Variants in GAS6 observed in about 807,000 individuals in gnomAD.
GAS6 encodes the protein growth arrest specific 6.
GAS6 carries 41 observed loss-of-function variants against 75.8 expected under a neutral mutation model. The ratio of observed to expected loss-of-function variants is 0.54; its 90% CI spans 0.42 to 0.70. The LOEUF is 0.70. Ranked by LOEUF, GAS6 falls within the 30% of genes least tolerant of loss-of-function variation. GAS6 has a pLI of 0.00. For synonymous variants in GAS6, 432 were observed against 412.6 expected (o/e 1.05, Z -0.57); for missense variants, 854 against 940.2 (o/e 0.91, Z 1.20).
intron 14 of GAS6, 152 bp from the exon 15 acceptor site, chr13:113,821,170 G>A (rs1318274409): frequency 1.0e-5 from 8 of 794,848 alleles, no homozygotes; most frequent in South Asian, 7.0e-5. Flanking sequence ...GTCCCCGTTC[G>A]TTTGGCCGCA....
chr13:113,834,853 C>T (rs774956592), intron 7 of GAS6, 181 bp from the exon 8 acceptor site: 3 of 515,840 alleles, frequency 5.8e-6, no homozygotes, highest in East Asian at 3.4e-5. Context: ...GCACCCTCGG[C>T]CTGCTCCTGC....
chr13:113,825,852 C>T (rs773189968), intron 12 of GAS6, among the ~76,000 whole-genome samples: 26 of 152,266 alleles, frequency 1.7e-4, no homozygotes, highest in South Asian at 4.1e-4. Flanking sequence ...TGGCTCAGGA[C>T]GGGGCAGGAC....
chr13:113,857,046 G>C (rs1440260751), intron 2 of GAS6, among the ~76,000 whole-genome samples: 1 of 152,180 alleles, frequency 6.6e-6, no homozygotes, highest in Non-Finnish European at 1.5e-5. Flanking sequence ...TGTTTTCCAT[G>C]GAGCCCCAAG....
chr13:113,836,741 GGGGGAGGAA>G (rs1566363857), intron 6 of GAS6, among the ~76,000 whole-genome samples: 5 of 32,802 alleles, frequency 1.5e-4, no homozygotes, highest in African/African-American at 3.1e-4. Context: ...AGGAGGAGGA[GGGGGAGGAA>G]GAAGATGGGG....
At chr13:113,821,686 A>G (rs1357372455) in intron 14 of GAS6, 3 of 485,256 alleles carry the variant, frequency 6.2e-6, no homozygotes, top group Non-Finnish European at 1.1e-5. Context: ...GGTGTGGACG[A>G]ATGCTCCCTG....
chr13:113,828,182 T>G (rs897081780), intron 11 of GAS6, among the ~76,000 whole-genome samples: 12 of 152,186 alleles, frequency 7.9e-5, no homozygotes, highest in East Asian at 1.9e-4. Flanking sequence ...GAGAATGGCG[T>G]GAACCCGGGA....
chr13:113,826,906 G>A (rs1005288841), intron 12 of GAS6, 90 bp downstream of exon 12: 11 of 675,438 alleles, frequency 1.6e-5, no homozygotes, highest in Admixed American at 1.1e-4. Context: ...TTGTCCTGAC[G>A]CTGCCATCTG....
At chr13:113,824,553 A>G (rs1026863916) in intron 12 of GAS6, among the ~76,000 whole-genome samples, 2 of 152,200 alleles carry the variant, frequency 1.3e-5, no homozygotes, top group South Asian at 2.1e-4. Flanking sequence ...CAGTGTTTCT[A>G]TCTCACCCAG....
At chr13:113,853,662 G>A (rs1156445549) in intron 2 of GAS6, among the ~76,000 whole-genome samples, 1 of 152,192 alleles carries the variant, frequency 6.6e-6, no homozygotes, top group African/African-American at 2.4e-5. Context: ...TATTTTCCAT[G>A]GGAAATGGTC....
At chr13:113,851,086 GATGAGTGGGTGGATGAAAGAATGA>G (rs530526759) in intron 2 of GAS6, among the ~76,000 whole-genome samples, 337 of 151,948 alleles carry the variant, frequency 2.2e-3, no homozygotes, top group African/African-American at 7.5e-3. Context: ...TGAGTGGATG[GATGAGTGGGTGGATGAAAGAATGA>G]ATGAGTGGGT....
At chr13:113,853,296 G>T (rs55869190) in intron 2 of GAS6, among the ~76,000 whole-genome samples, 3 of 152,134 alleles carry the variant, frequency 2.0e-5, no homozygotes. Flanking sequence ...GTCCCAGCAA[G>T]GTCTCTGCCT....
At chr13:113,824,719 C>T (rs1218729466) in intron 12 of GAS6, among the ~76,000 whole-genome samples, 3 of 151,980 alleles carry the variant, frequency 2.0e-5, no homozygotes, top group Admixed American at 6.6e-5. Flanking sequence ...GGGCTGTGTA[C>T]GCCTGAAACC....
intron 12 of GAS6, among the ~76,000 whole-genome samples, chr13:113,826,339 T>C (rs1178160475): frequency 6.6e-6 from 1 of 152,202 alleles, no homozygotes; most frequent in Admixed American, 6.5e-5. Context: ...GGCTGTGCTG[T>C]CTCCGGACTT....
In GAS6 at chr13:113,826,422, CTGGCCTCG is replaced by C. The variant is rs1282370672; in HGVS notation, c.1477+566_1477+573del. Among the ~76,000 whole-genome samples, 15 of 132,886 alleles carry C rather than the reference CTGGCCTCG, an allele frequency of 1.1e-4. 2 individuals carry two copies. The highest frequency in any genetic ancestry group is 3.7e-4 in the African/African-American group (13 of 34,996). 87.2% of individuals were successfully genotyped at this position (132,886 alleles called of 152,430 possible). A position where few individuals can be genotyped will look rare whatever the true frequency, so the allele number is the denominator to read the frequency against. ...ACCTTCTCTCCCCGGCCTCCCGGCG[CTGGCCTCG>C]CAGGCACCTTCTCTCCCCAGCCTCC... On this transcript the variant is annotated intron_variant, in intron 12 of 14. Transcript: ENST00000327773.
chr13:113,834,602 G>C lies in GAS6; in HGVS notation c.783C>G (p.His261Gln). 1 of 1,590,810 alleles carries C rather than the reference G, an allele frequency of 6.3e-7. No individual in the cohort carries two copies. The highest frequency in any genetic ancestry group is 8.5e-7 in the Non-Finnish European group (1 of 1,170,160). ...GCTTGAGGCCCCCACGCCCGTCACAGTGGCAGGTGTAGCTCCCTGGGGAGT... is the reference window on the plus strand; with the variant it reads ...GCTTGAGGCCCCCACGCCCGTCACACTGGCAGGTGTAGCTCCCTGGGGAGT... ...CVNSPGSYTC[H>Q]CDGRGGLKLS... Residue 261 changes from histidine to glutamine, a missense_variant, in exon 8 of 15, where the codon CAC becomes CAG. By Grantham distance (24) the His-to-Gln change is conservative (BLOSUM62 0). Coordinates refer to ENST00000327773, the MANE Select transcript of GAS6 (RefSeq NM_000820.4).
intron 11 of GAS6, among the ~76,000 whole-genome samples, chr13:113,828,066 A>G (rs9604495): frequency 0.18 from 27,900 of 152,078 alleles, 2,936 homozygotes; most frequent in South Asian, 0.33. Flanking sequence ...ACGAGGTCAG[A>G]AGATCGAGAC....
chr13:113,847,747 C>G (rs952037061), intron 3 of GAS6: 9 of 461,976 alleles, frequency 1.9e-5, no homozygotes, highest in Non-Finnish European at 3.1e-5. Context: ...ATCAATTACA[C>G]GTCCTGACAA....
At chr13:113,854,197 G>A (rs774660278) in intron 2 of GAS6, among the ~76,000 whole-genome samples, 3 of 152,252 alleles carry the variant, frequency 2.0e-5, no homozygotes, top group Non-Finnish European at 4.4e-5. Flanking sequence ...CCGGTCAGAT[G>A]TGGATGCTGG....
intron 3 of GAS6, chr13:113,847,790 G>A (rs2051845621): frequency 1.8e-6 from 1 of 561,226 alleles, no homozygotes; most frequent in Non-Finnish European, 3.2e-6. Context: ...CAGAGAAGGG[G>A]TTTGCAGATA....
Sources: allele counts gnomAD v4.1 joint callset (sites outside exome capture counted in the v4.1 genomes callset), GRCh38; gene constraint gnomAD v4.1.1; transcripts MANE v1.5; gene names NCBI Gene and HGNC (gene_info 2026-07-23, HGNC 2026-07-21).